Variants in USP5 observed in about 807,000 individuals in gnomAD.
USP5 encodes ubiquitin specific peptidase 5.
A neutral mutation model predicts 102.5 loss-of-function variants in USP5; 24 were observed. The ratio of observed to expected loss-of-function variants is 0.23; its 90% CI spans 0.17 to 0.33. The LOEUF (loss-of-function observed/expected upper bound fraction) is 0.33. USP5 is among the 10% of genes least tolerant of loss of function. The pLI, the probability that USP5 is intolerant of heterozygous loss-of-function variation, is 1.00. For synonymous variants in USP5, 460 were observed against 434.8 expected, an observed-to-expected ratio of 1.06 and a Z score of -0.72; for missense variants, 753 against 1,122.1, an observed-to-expected ratio of 0.67 and a Z score of 4.70.
chr12:6,856,762 G>A lies in USP5; in HGVS notation c.640G>A (p.Asp214Asn), dbSNP rs1944126178. Residue 214 changes from aspartate (D) to asparagine (N), a missense_variant, in exon 6 of 20, where the codon GAT becomes AAT. This residue lies in a region of USP5 where 527 missense variants were observed against 816.5 expected (regional missense o/e 0.65). Transcript: ENST00000229268. The surrounding 1 kb of genome is among the most constrained non-coding windows in gnomAD (Gnocchi z 5.6). Reference protein sequence around the residue: ...MRENLWLNLTDGSILCGRRYF... With the variant: ...MRENLWLNLTNGSILCGRRYF... The stretch of plus-strand genomic sequence containing the variant: ...AGAGAACCTGTGGCTCAACCTGACT[G>A]ATGGCTCCATCCTCTGTGGGCGACG... 1 of 1,613,974 alleles carries A rather than the reference G, an allele frequency of 6.2e-7. No individual in the cohort carries two copies. Among genetic ancestry groups the A allele is most frequent in the Non-Finnish European group, 8.5e-7 (1 of 1,180,034 alleles).
chr12:6,853,560 A>C (rs1317249243), intron 1 of USP5, among the ~76,000 whole-genome samples: 2 of 152,244 alleles, frequency 1.3e-5, no homozygotes, highest in African/African-American at 4.8e-5. Flanking sequence ...CAGGAGGGAA[A>C]GGTTTTTCTT....
Position 6,861,596 on chromosome 12 carries a change from A to T in USP5, c.1652A>T (p.Gln551Leu). Reference protein sequence around the residue: ...QVDDFWSTALQAKSVAVKTTR... With the variant: ...QVDDFWSTALLAKSVAVKTTR... ...GATGACTTCTGGAGCACGGCCCTGC[A>T]GGCCAAGTCAGTAGCTGTCAAGTAA... Residue 551 changes from glutamine to leucine, a missense_variant, in exon 13 of 20, where the codon CAG becomes CTG. Gln to Leu is a moderately radical substitution (Grantham distance 113). Around this residue, in one of 3 missense-constraint regions of USP5, gnomAD observed 527 missense variants for 816.5 expected, o/e 0.65. Transcript: ENST00000229268. The surrounding 1 kb of genome is among the most constrained non-coding windows in gnomAD (Gnocchi z 4.9). 1 of 1,572,358 alleles carries T rather than the reference A, an allele frequency of 6.4e-7. No homozygotes were observed. Among genetic ancestry groups the T allele is most frequent in the Non-Finnish European group, 8.7e-7 (1 of 1,153,892 alleles).
chr12:6,860,854 T>G lies in USP5; in HGVS notation c.1345-99T>G. Reference sequence around the variant, plus strand: ...TGCTCTTGTGTCCCTGAGTTCCGAGTGGTAGTCTGCCTTCTCTCCCTGACT... The same window carrying G: ...TGCTCTTGTGTCCCTGAGTTCCGAGGGGTAGTCTGCCTTCTCTCCCTGACT... On this transcript the variant is annotated intron_variant, in intron 11 of 19. Transcript: ENST00000229268. The surrounding 1 kb of genome is among the most constrained non-coding windows in gnomAD (Gnocchi z 5.5). The G allele has an allele frequency of 6.6e-7, 1 of 1,514,322 alleles. No homozygotes were observed. The highest frequency in any genetic ancestry group is 2.3e-5 in the East Asian group (1 of 44,140). The allele number at this position is 1,514,322 out of a possible 1,614,324, so 93.8% of individuals were successfully genotyped here.
In USP5 at chr12:6,866,305, T is replaced by C. The variant is rs1944444216; in HGVS notation, c.*228T>C. On this transcript the variant is annotated 3_prime_UTR_variant, in exon 20 of 20. Coordinates refer to ENST00000229268, the MANE Select transcript of USP5 (RefSeq NM_001098536.2). This position sits in a 1 kb window ranked among gnomAD's most constrained non-coding sequence, Gnocchi z 4.7. Reference sequence around the variant, plus strand: ...GGACGGGAGGGGCCGGCCACCTGTCTGTAAGGAGACTTTGTTGCTTCCCCT... The same window carrying C: ...GGACGGGAGGGGCCGGCCACCTGTCCGTAAGGAGACTTTGTTGCTTCCCCT... 1.9e-6 allele frequency: 1 copy of C among 526,988 alleles called. No individual in the cohort carries two copies. 32.6% of individuals were successfully genotyped at this position (526,988 alleles called of 1,614,324 possible).
rs1480156243 is a variant in USP5 at position 6,866,419 on chromosome 12, T to A, written c.*342T>A. The A allele has an allele frequency of 7.5e-6, 2 of 264,942 alleles. No homozygotes were observed. The highest frequency in any genetic ancestry group is 7.4e-6 in the Non-Finnish European group (1 of 134,966). 16.4% of individuals were successfully genotyped at this position (264,942 alleles called of 1,614,324 possible). ...GAGGGGTCTCGTTTGTGCGCGTGGGTGTAGCTTTGTGCATCCTCTCCCAGT... is the reference window on the plus strand; with the variant it reads ...GAGGGGTCTCGTTTGTGCGCGTGGGAGTAGCTTTGTGCATCCTCTCCCAGT... On this transcript the variant is annotated 3_prime_UTR_variant, in exon 20 of 20. Transcript: ENST00000229268. This position sits in a 1 kb window ranked among gnomAD's most constrained non-coding sequence, Gnocchi z 4.7.
Position 6,864,418 on chromosome 12 carries a change from G to A in USP5, c.2244+223G>A, listed in dbSNP as rs782511847. ...GTAATGCTTCTGTTTGGCCGGGCGC[G>A]GTGGCTCACGCCTGTAATCCCAGCA... is the stretch of plus-strand genomic sequence containing the variant. On this transcript the variant is annotated intron_variant, in intron 17 of 19. Transcript: ENST00000229268. This position sits in a 1 kb window ranked among gnomAD's most constrained non-coding sequence, Gnocchi z 4.8. Among the ~76,000 whole-genome samples the A allele has an allele frequency of 2.6e-5, 4 of 152,308 alleles. No individual in the cohort carries two copies. Among genetic ancestry groups the A allele is most frequent in the South Asian group, 4.1e-4 (2 of 4,828 alleles).
In USP5 at chr12:6,860,498, G is replaced by A; in HGVS notation, c.1344+7G>A. 6.2e-7 allele frequency: 1 copy of A among 1,613,602 alleles called. No individual in the cohort carries two copies. Among genetic ancestry groups the A allele is most frequent in the Non-Finnish European group, 8.5e-7 (1 of 1,179,976 alleles). On this transcript the variant is annotated splice_region_variant and intron_variant, in intron 11 of 19. Transcript: ENST00000229268. The surrounding 1 kb of genome is among the most constrained non-coding windows in gnomAD (Gnocchi z 5.5). ...CCTTATCAACATGGTGGAGGTAAGG[G>A]CTGGCAAGATGGCACACCCCCATCT...
chr12:6,866,004 A>G lies in USP5; in HGVS notation c.2504A>G (p.Gln835Arg). The part of the protein sequence containing the change: ...KEGRWVIYND[Q>R]KVCASEKPPK... ...CCCAGATGGGTGATCTACAATGACCAGAAAGTGTGTGCCTCCGAGAAGCCG... is the reference window on the plus strand; with the variant it reads ...CCCAGATGGGTGATCTACAATGACCGGAAAGTGTGTGCCTCCGAGAAGCCG... The change falls in exon 20 of 20, where the codon CAG (glutamine) becomes CGG (arginine). Residue 835 changes from glutamine (Q) to arginine (R), a missense_variant. Gln to Arg is a conservative substitution (Grantham distance 43). Around this residue, in one of 3 missense-constraint regions of USP5, gnomAD observed 33 missense variants for 75.3 expected, o/e 0.44. Coordinates refer to ENST00000229268, the MANE Select transcript of USP5 (RefSeq NM_001098536.2). The surrounding 1 kb of genome is among the most constrained non-coding windows in gnomAD (Gnocchi z 4.7). 6.2e-7 allele frequency: 1 copy of G among 1,614,160 alleles called. No individual in the cohort carries two copies. The highest frequency in any genetic ancestry group is 8.5e-7 in the Non-Finnish European group (1 of 1,180,014).
Position 6,866,088 on chromosome 12 carries a change from C to T in USP5, c.*11C>T. Reference sequence around the variant, plus strand: ...AGAGTGGCCAGCTAAGAGCCTGCCTCACCCCTTACCAATGAGGGCAGGGGA... The same window carrying T: ...AGAGTGGCCAGCTAAGAGCCTGCCTTACCCCTTACCAATGAGGGCAGGGGA... On this transcript the variant is annotated 3_prime_UTR_variant, in exon 20 of 20. Coordinates refer to ENST00000229268, the MANE Select transcript of USP5 (RefSeq NM_001098536.2). This position sits in a 1 kb window ranked among gnomAD's most constrained non-coding sequence, Gnocchi z 4.7. 1 of 1,613,436 alleles carries T rather than the reference C, an allele frequency of 6.2e-7. No individual in the cohort carries two copies. The highest frequency in any genetic ancestry group is 8.5e-7 in the Non-Finnish European group (1 of 1,179,384).
intron 19 of USP5, 115 bp from the exon 20 acceptor site, chr12:6,865,869 G>A: frequency 1.2e-6 from 1 of 869,272 alleles, no homozygotes; most frequent in Non-Finnish European, 1.9e-6. Flanking sequence ...CTGTGGATTT[G>A]GGGTATGGGC....
chr12:6,866,325 T>C lies in USP5; in HGVS notation c.*248T>C. 1 of 478,116 alleles carries C rather than the reference T, an allele frequency of 2.1e-6. No individual in the cohort carries two copies. Among genetic ancestry groups the C allele is most frequent in the Non-Finnish European group, 3.8e-6 (1 of 262,462 alleles). The allele number at this position is 478,116 out of a possible 1,614,324, so 29.6% of individuals were successfully genotyped here. On this transcript the variant is annotated 3_prime_UTR_variant, in exon 20 of 20. Coordinates refer to ENST00000229268, the MANE Select transcript of USP5 (RefSeq NM_001098536.2). This position sits in a 1 kb window ranked among gnomAD's most constrained non-coding sequence, Gnocchi z 4.7. The stretch of plus-strand genomic sequence containing the variant: ...CTGTCTGTAAGGAGACTTTGTTGCT[T>C]CCCCTGCCCCCGGAATCCACAGTGC...
chr12:6,855,918 C>G lies in USP5; in HGVS notation c.304+97C>G. 2.5e-6 allele frequency: 4 copies of G among 1,606,606 alleles called. No individual in the cohort carries two copies. The South Asian group carries it at 4.4e-5, about 18-fold the overall frequency. ...CCAAAGAGTGGGCCTGATTGATGGC[C>G]CTAGAACTCTGGATGGGGCAAGTGA... On this transcript the variant is annotated intron_variant, in intron 3 of 19. Coordinates refer to ENST00000229268, the MANE Select transcript of USP5 (RefSeq NM_001098536.2). The surrounding 1 kb of genome is among the most constrained non-coding windows in gnomAD (Gnocchi z 4.6).
chr12:6,855,853 T>C lies in USP5; in HGVS notation c.304+32T>C. ...ACCGCTGCAGTCCTATTCTTCTCCC[T>C]GAGCTGGTCTTTCTGGCTCTCAGCA... is the stretch of plus-strand genomic sequence containing the variant. On this transcript the variant is annotated intron_variant, in intron 3 of 19. Coordinates refer to ENST00000229268, the MANE Select transcript of USP5 (RefSeq NM_001098536.2). This position sits in a 1 kb window ranked among gnomAD's most constrained non-coding sequence, Gnocchi z 4.6. The C allele has an allele frequency of 1.9e-6, 3 of 1,613,804 alleles. No homozygotes were observed. Among genetic ancestry groups the C allele is most frequent in the Non-Finnish European group, 2.5e-6 (3 of 1,179,730 alleles).
At position 6,864,925 on chromosome 12, in the gene USP5, A is replaced by G. The variant is rs782518148; in HGVS notation, c.2398+50A>G. 5.7e-6 allele frequency: 9 copies of G among 1,583,488 alleles called. No homozygotes were observed. The highest frequency in any genetic ancestry group is 7.7e-6 in the Non-Finnish European group (9 of 1,161,538). ...AGGCCTGGTGGAATCTGGTCAGTCT[A>G]CTACACCAGATCCCTCATTCAGGCA... is the stretch of plus-strand genomic sequence containing the variant. On this transcript the variant is annotated intron_variant, in intron 18 of 19. Coordinates refer to ENST00000229268, the MANE Select transcript of USP5 (RefSeq NM_001098536.2). The surrounding 1 kb of genome is among the most constrained non-coding windows in gnomAD (Gnocchi z 4.8).
intron 9 of USP5, among the ~76,000 whole-genome samples, chr12:6,859,858 T>C (rs762432005): frequency 7.9e-5 from 12 of 152,156 alleles, no homozygotes; most frequent in Non-Finnish European, 1.3e-4. Flanking sequence ...GGTTTCATCA[T>C]GTTGGCCAGG....
At position 6,864,937 on chromosome 12, in the gene USP5, C is replaced by T; in HGVS notation, c.2398+62C>T. The stretch of plus-strand genomic sequence containing the variant: ...ATCTGGTCAGTCTACTACACCAGAT[C>T]CCTCATTCAGGCAGCTCTGCCCTCC... On this transcript the variant is annotated intron_variant, in intron 18 of 19. Coordinates refer to ENST00000229268, the MANE Select transcript of USP5 (RefSeq NM_001098536.2). The surrounding 1 kb of genome is among the most constrained non-coding windows in gnomAD (Gnocchi z 4.8). 6.4e-7 allele frequency: 1 copy of T among 1,567,418 alleles called. No individual in the cohort carries two copies.
chr12:6,858,626 T>C lies in USP5; in HGVS notation c.1058+9T>C. 1 of 1,593,182 alleles carries C rather than the reference T, an allele frequency of 6.3e-7. No homozygotes were observed. On this transcript the variant is annotated intron_variant, in intron 8 of 19. Coordinates refer to ENST00000229268, the MANE Select transcript of USP5 (RefSeq NM_001098536.2). The surrounding 1 kb of genome is among the most constrained non-coding windows in gnomAD (Gnocchi z 4.2). ...CCTGACTTCCAGAGGAAGTGAGTAG[T>C]GCCCTCTCCTTCCCCAGGCCCCCTC...
chr12:6,857,029 C>T (rs1176561394), intron 6 of USP5, 138 bp downstream of exon 6: 5 of 1,182,030 alleles, frequency 4.2e-6, no homozygotes, highest in Middle Eastern at 2.7e-4. Context: ...CTCATGTTTG[C>T]AATCCCAACA....
At position 6,855,195 on chromosome 12, in the gene USP5, T is replaced by G. The variant is rs782480514; in HGVS notation, c.112-206T>G. On this transcript the variant is annotated intron_variant, in intron 1 of 19. Coordinates refer to ENST00000229268, the MANE Select transcript of USP5 (RefSeq NM_001098536.2). The surrounding 1 kb of genome is among the most constrained non-coding windows in gnomAD (Gnocchi z 4.6). ...AGCCCCCTGATGTCCTTGTTGGTTG[T>G]TATCAAAGTCATGGGAGGAAATGGG... Among the ~76,000 whole-genome samples, 40 of 152,290 alleles carry G rather than the reference T, an allele frequency of 2.6e-4. No individual in the cohort carries two copies. The highest frequency in any genetic ancestry group is 2.5e-4 in the Non-Finnish European group (17 of 68,016).
Sources: allele counts gnomAD v4.1 joint callset (sites outside exome capture counted in the v4.1 genomes callset), GRCh38; gene constraint gnomAD v4.1.1; regional missense constraint gnomAD v4.1.1; non-coding constraint Gnocchi (gnomAD v3.1); transcripts MANE v1.5; gene names NCBI Gene and HGNC (gene_info 2026-07-23, HGNC 2026-07-21).